TXLNB: variants seen among roughly 807,000 people sequenced by gnomAD.
TXLNB encodes the protein beta-taxilin.
In TXLNB, 37 loss-of-function variants were observed where a neutral mutation model predicts 57.4. That is an observed-to-expected ratio of 0.64 (90% CI 0.50 to 0.85). The LOEUF (loss-of-function observed/expected upper bound fraction) is 0.85, where lower values mean the gene tolerates loss of function less well. Among genes scored for constraint, TXLNB ranks in the 40% least tolerant of loss-of-function variants. The pLI is 0.00. For synonymous variants in TXLNB, 302 were observed against 309.6 expected (o/e 0.98, Z 0.26); for missense variants, 848 against 825.6 (o/e 1.03, Z -0.33).
intron 2 of TXLNB, among the ~76,000 whole-genome samples, chr6:139,280,761 T>A (rs1465896752): frequency 2.6e-5 from 4 of 152,208 alleles, no homozygotes; most frequent in Non-Finnish European, 5.9e-5. Flanking sequence ...TTTCCATGAA[T>A]TGTGGCAGAA....
chr6:139,242,714 G>C lies in TXLNB; in HGVS notation c.1867C>G (p.Leu623Val), dbSNP rs776299210. The change falls in exon 10 of 10, where the codon CTA becomes GTA. Residue 623 changes from leucine to valine, a missense_variant. Coordinates refer to ENST00000358430, the MANE Select transcript of TXLNB (RefSeq NM_153235.4). ...GGCACATCTGCCTCCATCTTCTGTA[G>C]GGAGGCCTCGGTGGGAGCCTGTGGG... The part of the protein sequence containing the change: ...QAPQAPTEAS[L>V]QKMEADVPAP... The C allele has an allele frequency of 2.5e-6, 4 of 1,612,590 alleles. No homozygotes were observed. The Admixed American group carries it at 6.7e-5, about 27-fold the overall frequency.
the TXLNB span, among the ~76,000 whole-genome samples, chr6:139,163,367 T>TTTC: frequency 9.1e-6 from 1 of 110,202 alleles, no homozygotes; most frequent in Admixed American, 8.8e-5. Flanking sequence ...TTTTTTTTTT[T>TTTC]TTTTTTAAAG....
the TXLNB span, among the ~76,000 whole-genome samples, chr6:139,188,043 C>T: frequency 1.3e-5 from 2 of 152,098 alleles, no homozygotes; most frequent in Non-Finnish European, 2.9e-5. Context: ...GAAAATGGCT[C>T]AATGTTTGAT....
chr6:139,247,039 T>C (rs924848058), intron 8 of TXLNB, among the ~76,000 whole-genome samples: 3 of 152,214 alleles, frequency 2.0e-5, no homozygotes, highest in Admixed American at 6.5e-5. Context: ...CTGTCAGTTA[T>C]ATTACATTAC....
the TXLNB span, among the ~76,000 whole-genome samples, chr6:139,189,550 C>T: frequency 6.6e-5 from 10 of 151,998 alleles, no homozygotes; most frequent in African/African-American, 2.2e-4. Context: ...TATTATTAAA[C>T]CCAAAAGAAA....
Position 139,278,712 on chromosome 6 carries a change from T to C in TXLNB, c.425-1791A>G, listed in dbSNP as rs1776963749. On this transcript the variant is annotated intron_variant, in intron 2 of 9. Transcript: ENST00000358430. ...TCAGTAAATGATGATAATAATAGAATAAAACAAAGCTGGCCAGGCACGGTG... is the reference window on the plus strand; with the variant it reads ...TCAGTAAATGATGATAATAATAGAACAAAACAAAGCTGGCCAGGCACGGTG... Among the ~76,000 whole-genome samples, 2 of 152,262 alleles carry C rather than the reference T, an allele frequency of 1.3e-5. 1 individual carries two copies. The highest frequency in any genetic ancestry group is 4.1e-4 in the South Asian group (2 of 4,822).
At chr6:139,323,676 C>T in the TXLNB span, among the ~76,000 whole-genome samples, 1 of 152,158 alleles carries the variant, frequency 6.6e-6, no homozygotes, top group African/African-American at 2.4e-5. Context: ...TCACGAGGCA[C>T]GTGGTTTCTC....
At chr6:139,227,222 C>G in the TXLNB span, among the ~76,000 whole-genome samples, 1 of 151,860 alleles carries the variant, frequency 6.6e-6, no homozygotes, top group Non-Finnish European at 1.5e-5. Context: ...GCCTGTAATC[C>G]CAGTTACTCA....
chr6:139,296,638 T>A (rs1777394950), upstream of TXLNB, among the ~76,000 whole-genome samples: 1 of 152,162 alleles, frequency 6.6e-6, no homozygotes, highest in South Asian at 2.1e-4. Context: ...ATCGCTCAGT[T>A]CAGAGCCTTT....
At chr6:139,162,560 G>A in the TXLNB span, among the ~76,000 whole-genome samples, 1 of 152,126 alleles carries the variant, frequency 6.6e-6, no homozygotes, top group Non-Finnish European at 1.5e-5. Context: ...AATGGGATTT[G>A]GACAAATGAA....
downstream of TXLNB, among the ~76,000 whole-genome samples, chr6:139,238,768 C>T (rs1349690954): frequency 2.0e-5 from 3 of 152,184 alleles, no homozygotes; most frequent in Non-Finnish European, 4.4e-5. Context: ...ACCCTCCTTG[C>T]CACTTTATGA....
chr6:139,192,771 CGT>C, the TXLNB span, among the ~76,000 whole-genome samples: 1 of 131,808 alleles, frequency 7.6e-6, no homozygotes, highest in African/African-American at 2.9e-5. Context: ...AGTAAAACCC[CGT>C]CTCTACTAAA....
upstream of TXLNB, among the ~76,000 whole-genome samples, chr6:139,294,167 G>A (rs1239484666): frequency 2.0e-5 from 3 of 152,084 alleles, no homozygotes; most frequent in Non-Finnish European, 2.9e-5. Flanking sequence ...CAATAAATGC[G>A]ACTCAAATTA....
chr6:139,217,056 A>AATGCC, the TXLNB span, among the ~76,000 whole-genome samples: 1,142 of 152,298 alleles, frequency 7.5e-3, 13 homozygotes, highest in African/African-American at 0.026. Context: ...GATAAGCTAC[A>AATGCC]ATGCCTATCC....
the TXLNB span, among the ~76,000 whole-genome samples, chr6:139,162,433 A>G: frequency 3.9e-5 from 6 of 152,218 alleles, no homozygotes; most frequent in African/African-American, 1.4e-4. Context: ...GGAAACTGAC[A>G]CAAAGAGAAG....
At chr6:139,210,273 T>C in the TXLNB span, among the ~76,000 whole-genome samples, 1 of 152,122 alleles carries the variant, frequency 6.6e-6, no homozygotes, top group African/African-American at 2.4e-5. Flanking sequence ...GAATGTAAAC[T>C]AGTTCAACCA....
chr6:139,172,023 G>A, the TXLNB span, among the ~76,000 whole-genome samples: 2 of 152,112 alleles, frequency 1.3e-5, no homozygotes, highest in African/African-American at 4.8e-5. Flanking sequence ...TAGAGATGGG[G>A]TTTCACCATG....
At chr6:139,198,455 G>A in the TXLNB span, among the ~76,000 whole-genome samples, 1 of 152,218 alleles carries the variant, frequency 6.6e-6, no homozygotes, top group African/African-American at 2.4e-5. Context: ...GAGGACCCTG[G>A]AGCCAGCATC....
chr6:139,191,362 T>C, the TXLNB span, among the ~76,000 whole-genome samples: 1 of 152,142 alleles, frequency 6.6e-6, no homozygotes, highest in Non-Finnish European at 1.5e-5. Flanking sequence ...GAGGTTGCGG[T>C]GAGCCGAGAT....
Sources: allele counts gnomAD v4.1 joint callset (sites outside exome capture counted in the v4.1 genomes callset), GRCh38; gene constraint gnomAD v4.1.1; transcripts MANE v1.5; gene names NCBI Gene and HGNC (gene_info 2026-07-23, HGNC 2026-07-21).